Variants in IQSEC3 observed in about 807,000 individuals in gnomAD.
IQSEC3 encodes IQ motif and SEC7 domain-containing protein 3.
Under a neutral mutation model 105.4 loss-of-function variants are expected in IQSEC3, and 50 were observed. That is an observed-to-expected ratio of 0.47 (90% CI 0.38 to 0.60). The LOEUF is 0.60. Among genes scored for constraint, IQSEC3 ranks in the 20% least tolerant of loss-of-function variants. The pLI, the probability that IQSEC3 is intolerant of heterozygous loss-of-function variation, is 0.00. For synonymous variants in IQSEC3, 708 were observed against 746.0 expected, an observed-to-expected ratio of 0.95 and a Z score of 0.83; for missense variants, 1,415 against 1,630.0, an observed-to-expected ratio of 0.87 and a Z score of 2.27.
At chr12:120,872 T>C (rs1345777599) in intron 2 of IQSEC3, among the ~76,000 whole-genome samples, 2 of 152,206 alleles carry the variant, frequency 1.3e-5, no homozygotes, top group African/African-American at 2.4e-5. Flanking sequence ...CCCCTTCATC[T>C]TGGTGCCACC....
chr12:71,889 C>A (rs1324602747), intron 1 of IQSEC3, among the ~76,000 whole-genome samples: 2 of 152,294 alleles, frequency 1.3e-5, no homozygotes, highest in Non-Finnish European at 2.9e-5. Context: ...TGAAGGCTCA[C>A]TGGGAGAAGG....
At chr12:159,241 C>T (rs1866804611) in intron 7 of IQSEC3, among the ~76,000 whole-genome samples, 1 of 152,212 alleles carries the variant, frequency 6.6e-6, no homozygotes, top group African/African-American at 2.4e-5. Flanking sequence ...ACGTATCAAG[C>T]TCCTCTCCAT....
In IQSEC3 at chr12:138,860, C is replaced by T. The variant is rs1555087747; in HGVS notation, c.1497C>T (p.Val499=). Residue 499 remains valine (V), a synonymous_variant, in exon 4 of 14, where the codon GTC becomes GTT. Transcript: ENST00000538872. The surrounding 1 kb of genome is among the most constrained non-coding windows in gnomAD (Gnocchi z 7.1). ...TVQIANQNIS[V]SSSTALSVAN... ...AGATCGCCAACCAGAACATATCCGT[C>T]TCCTCCTCCACGGCTCTGTCGGTGG... is the stretch of plus-strand genomic sequence containing the variant. 3.1e-6 allele frequency: 5 copies of T among 1,612,466 alleles called. No homozygotes were observed. The South Asian group carries it at 5.5e-5, about 18-fold the overall frequency.
chr12:110,170 T>C (rs544818051), intron 2 of IQSEC3, among the ~76,000 whole-genome samples: 24 of 152,316 alleles, frequency 1.6e-4, no homozygotes, highest in African/African-American at 5.3e-4. Flanking sequence ...TTTTTCTCTT[T>C]CTCCCTTTTC....
At chr12:112,812 A>G (rs1374255968) in intron 2 of IQSEC3, among the ~76,000 whole-genome samples, 1 of 152,218 alleles carries the variant, frequency 6.6e-6, no homozygotes, top group Non-Finnish European at 1.5e-5. Context: ...GGTGAAATGC[A>G]GTATTGGAGC....
At chr12:167,605 C>T (rs1938735702) in intron 11 of IQSEC3, 1 of 150,904 alleles carries the variant, frequency 6.6e-6, no homozygotes. Flanking sequence ...ATGGGCTGGG[C>T]TCAGTGGCTC....
intron 2 of IQSEC3, among the ~76,000 whole-genome samples, chr12:124,851 G>A (rs570810301): frequency 6.6e-6 from 1 of 152,242 alleles, no homozygotes; most frequent in African/African-American, 2.4e-5. Context: ...AGGCAGCAAG[G>A]TGTCTTCTTA....
At chr12:140,345 G>A (rs1233709256) in intron 4 of IQSEC3, 2 of 152,192 alleles carry the variant, frequency 1.3e-5, no homozygotes, top group Non-Finnish European at 2.9e-5. Context: ...AAATGCACAC[G>A]ATGAAATAGC....
chr12:78,034 C>T (rs1435211007), intron 1 of IQSEC3, among the ~76,000 whole-genome samples: 1 of 151,248 alleles, frequency 6.6e-6, no homozygotes, highest in African/African-American at 2.4e-5. Flanking sequence ...GCCGCGTGCC[C>T]ACAGCCTCCG....
chr12:71,139 G>A (rs1386526440), intron 1 of IQSEC3, among the ~76,000 whole-genome samples: 4 of 152,272 alleles, frequency 2.6e-5, no homozygotes, highest in Non-Finnish European at 5.9e-5. Context: ...GCTGGGGATA[G>A]CTAGAAGAGT....
At chr12:134,274 G>A (rs1865687337) in intron 3 of IQSEC3, among the ~76,000 whole-genome samples, 1 of 152,262 alleles carries the variant, frequency 6.6e-6, no homozygotes, top group Admixed American at 6.5e-5. Flanking sequence ...CACGGCAGGT[G>A]AAATCTGCCC....
At chr12:149,985 G>C (rs535773239) in intron 5 of IQSEC3, among the ~76,000 whole-genome samples, 1 of 152,340 alleles carries the variant, frequency 6.6e-6, no homozygotes, top group East Asian at 1.9e-4. Flanking sequence ...ATGATGCCAA[G>C]TTAGCAGCCT....
At chr12:166,162 G>A in intron 11 of IQSEC3, 2 of 438,648 alleles carry the variant, frequency 4.6e-6, no homozygotes, top group Admixed American at 4.0e-5. Context: ...TTGGAACAGA[G>A]AGCTCTGCTG....
At chr12:103,583 G>A (rs1296700287) in intron 2 of IQSEC3, among the ~76,000 whole-genome samples, 1 of 19,598 alleles carries the variant, frequency 5.1e-5, no homozygotes, top group Non-Finnish European at 9.1e-5. Flanking sequence ...GGGAGGTGGG[G>A]GCTCAGGAGG....
chr12:144,229 G>C (rs1432780912), intron 5 of IQSEC3: 1 of 152,148 alleles, frequency 6.6e-6, no homozygotes, highest in Non-Finnish European at 1.5e-5. Flanking sequence ...GCAGGGGAGG[G>C]GGGCGCTGGA....
At chr12:73,266 C>T (rs4018354) in intron 1 of IQSEC3, among the ~76,000 whole-genome samples, 2 of 152,238 alleles carry the variant, frequency 1.3e-5, no homozygotes, top group African/African-American at 2.4e-5. Context: ...TGTGAGACGT[C>T]GCCTTCACTG....
chr12:99,730 G>GT (rs1212414791), intron 2 of IQSEC3, among the ~76,000 whole-genome samples: 2 of 152,202 alleles, frequency 1.3e-5, no homozygotes, highest in South Asian at 4.1e-4. Flanking sequence ...GAGCGGGAGT[G>GT]TTGAGGAGTC....
chr12:67,810 GA>G lies in IQSEC3; in HGVS notation c.554+380del, dbSNP rs1272765457. Reference sequence around the variant, plus strand: ...CCATTGAAGGAATCTTTTTAAGTGAGAAAAAATTTGGAAGGAAGTTTGGGTA... The same window carrying G: ...CCATTGAAGGAATCTTTTTAAGTGAGAAAAATTTGGAAGGAAGTTTGGGTA... On this transcript the variant is annotated intron_variant, in intron 1 of 13. Transcript: ENST00000538872. Among the ~76,000 whole-genome samples the G allele has an allele frequency of 5.3e-5, 8 of 151,590 alleles. No homozygotes were observed. The South Asian group carries it at 1.2e-3, about 24-fold the overall frequency.
At chr12:122,236 G>C (rs1048522782) in intron 2 of IQSEC3, among the ~76,000 whole-genome samples, 1 of 152,196 alleles carries the variant, frequency 6.6e-6, no homozygotes, top group African/African-American at 2.4e-5. Context: ...AGTGGGCCTT[G>C]ATAGGCCGGC....
Sources: allele counts gnomAD v4.1 joint callset (sites outside exome capture counted in the v4.1 genomes callset), GRCh38; gene constraint gnomAD v4.1.1; non-coding constraint Gnocchi (gnomAD v3.1); transcripts MANE v1.5; gene names NCBI Gene and HGNC (gene_info 2026-07-23, HGNC 2026-07-21).